Variants in CCDC174 observed in about 807,000 individuals in gnomAD.
The protein encoded by CCDC174 is coiled-coil domain-containing protein 174.
Under a neutral mutation model 57.1 loss-of-function variants are expected in CCDC174, and 37 were observed. That is an observed-to-expected ratio of 0.65 (90% CI 0.50 to 0.85). The LOEUF (loss-of-function observed/expected upper bound fraction) is 0.85. Ranked by LOEUF, CCDC174 falls within the 40% of genes least tolerant of loss-of-function variation. CCDC174 has a pLI of 0.00. For missense variants in CCDC174, 540 were observed against 574.3 expected (o/e 0.94, Z 0.61); for synonymous variants, 182 against 190.2 (o/e 0.96, Z 0.35).
chr3:14,668,604 A>G (rs1457330548), intron 9 of CCDC174, among the ~76,000 whole-genome samples: 2 of 152,232 alleles, frequency 1.3e-5, no homozygotes, highest in Non-Finnish European at 2.9e-5. Flanking sequence ...CAGCTTGCCA[A>G]AGCTTACCAA....
Position 14,661,576 on chromosome 3 carries a change from C to A in CCDC174, c.354C>A (p.Ile118=), listed in dbSNP as rs1296873359. ...ACCTTGTGGATTTCACACAGAAGAT[C>A]ATAGACAAGCGCAAAGAAATGGAGG... ...DMYLVDFTQK[I]IDKRKEMEAS... Residue 118 remains isoleucine, a synonymous_variant, in exon 5 of 11, where the codon ATC becomes ATA. Coordinates refer to ENST00000383794, the MANE Select transcript of CCDC174 (RefSeq NM_016474.5). The A allele has an allele frequency of 6.2e-7, 1 of 1,614,106 alleles. No individual in the cohort carries two copies. Among genetic ancestry groups the A allele is most frequent in the South Asian group, 1.1e-5 (1 of 91,062 alleles).
At chr3:14,653,262 C>G (rs2030837728) in intron 1 of CCDC174, among the ~76,000 whole-genome samples, 1 of 152,144 alleles carries the variant, frequency 6.6e-6, no homozygotes, top group Non-Finnish European at 1.5e-5. Flanking sequence ...TTGAGCATCT[C>G]TTAAAGTTAA....
chr3:14,666,773 T>C, intron 6 of CCDC174, 32 bp from the exon 7 acceptor site: 2 of 1,545,720 alleles, frequency 1.3e-6, no homozygotes, highest in Non-Finnish European at 1.7e-6. Context: ...AATCCTTATC[T>C]GAAGATAGTT....
At chr3:14,667,657 A>G (rs1241950585) in intron 8 of CCDC174, 139 bp downstream of exon 8, 2 of 678,826 alleles carry the variant, frequency 2.9e-6, no homozygotes, top group South Asian at 3.9e-5. Flanking sequence ...TTGCCATACT[A>G]TTTTTGTGTT....
At chr3:14,661,769 G>A (rs1432390237) in intron 5 of CCDC174, 62 bp downstream of exon 5, 1 of 1,462,832 alleles carries the variant, frequency 6.8e-7, no homozygotes, top group Admixed American at 2.2e-5. Flanking sequence ...CATTTTGGGA[G>A]TGATTTTGTT....
chr3:14,654,887 A>T (rs1037624512), intron 2 of CCDC174, among the ~76,000 whole-genome samples: 2 of 152,180 alleles, frequency 1.3e-5, no homozygotes, highest in Non-Finnish European at 2.9e-5. Context: ...AGAGCTGTGA[A>T]TTTTTCCAGT....
In CCDC174 at chr3:14,669,589, C is replaced by T. The variant is rs7621752; in HGVS notation, c.953-345C>T. Among the ~76,000 whole-genome samples the T allele has an allele frequency of 6.7e-3, 1,027 of 152,204 alleles. 15 individuals are homozygous for T. Among genetic ancestry groups the T allele is most frequent in the African/African-American group, 0.023 (964 of 41,510 alleles). Reference sequence around the variant, plus strand: ...TTGGGGATTTCTGGTCCTGCAATTGCCAGTTTGGAGAAGCAGAGTGGCATA... The same window carrying T: ...TTGGGGATTTCTGGTCCTGCAATTGTCAGTTTGGAGAAGCAGAGTGGCATA... On this transcript the variant is annotated intron_variant, in intron 9 of 10. Coordinates refer to ENST00000383794, the MANE Select transcript of CCDC174 (RefSeq NM_016474.5).
At position 14,659,902 on chromosome 3, in the gene CCDC174, A is replaced by G. The variant is rs1054280633; in HGVS notation, c.307+973A>G. On this transcript the variant is annotated intron_variant, in intron 4 of 10. Transcript: ENST00000383794. ...AGATTGGTAAGCAGACCAGCTGAGG[A>G]GGGCAGGGCCAGAGGTCAACAGAGT... 2.6e-4 allele frequency among the ~76,000 whole-genome samples: 39 copies of G among 152,298 alleles called. 1 individual carries two copies. Among genetic ancestry groups the G allele is most frequent in the Non-Finnish European group, 7.4e-5 (5 of 68,012 alleles).
intron 5 of CCDC174, among the ~76,000 whole-genome samples, chr3:14,662,701 G>T (rs535218695): frequency 5.3e-4 from 81 of 152,274 alleles, no homozygotes; most frequent in African/African-American, 1.9e-3. Flanking sequence ...TGTCCTCCTT[G>T]TGGTGGGCAT....
chr3:14,665,728 G>A (rs1282415968), intron 6 of CCDC174, among the ~76,000 whole-genome samples: 1 of 152,140 alleles, frequency 6.6e-6, no homozygotes, highest in Non-Finnish European at 1.5e-5. Context: ...CTTTGGCTTG[G>A]CATAAGAAAG....
chr3:14,667,344 G>T, intron 7 of CCDC174, 80 bp from the exon 8 acceptor site: 3 of 1,037,764 alleles, frequency 2.9e-6, no homozygotes, highest in Admixed American at 3.9e-5. Flanking sequence ...GTTTCTTTTT[G>T]CTTTGGTAGG....
At chr3:14,662,918 G>T (rs12491737) in intron 5 of CCDC174, among the ~76,000 whole-genome samples, 66,238 of 152,062 alleles carry the variant, frequency 0.44, 16,440 homozygotes, top group South Asian at 0.65. Context: ...TTTACCTACT[G>T]TCTTAAAAAC....
intron 7 of CCDC174, 98 bp from the exon 8 acceptor site, chr3:14,667,326 A>G (rs2124847491): frequency 1.1e-6 from 1 of 908,590 alleles, no homozygotes; most frequent in East Asian, 2.4e-5. Context: ...TGTGCCAAAT[A>G]TCACTGTGTT....
At chr3:14,663,629 GTGGCTGACTAC>G (rs1239275284) in intron 5 of CCDC174, among the ~76,000 whole-genome samples, 1 of 152,170 alleles carries the variant, frequency 6.6e-6, no homozygotes, top group Non-Finnish European at 1.5e-5. Flanking sequence ...AGATGGAGCC[GTGGCTGACTAC>G]TGTCTTGCCT....
intron 5 of CCDC174, among the ~76,000 whole-genome samples, chr3:14,664,174 T>C (rs2031242934): frequency 6.6e-6 from 1 of 152,166 alleles, no homozygotes; most frequent in Non-Finnish European, 1.5e-5. Context: ...GAAATCAGCA[T>C]TGCTTGAGAG....
At chr3:14,659,644 A>C (rs1235595936) in intron 4 of CCDC174, among the ~76,000 whole-genome samples, 1 of 152,076 alleles carries the variant, frequency 6.6e-6, no homozygotes, top group Non-Finnish European at 1.5e-5. Flanking sequence ...ATGCCACTGC[A>C]TCCTCGGTGC....
At chr3:14,655,895 GT>G (rs1172093068) in intron 3 of CCDC174, among the ~76,000 whole-genome samples, 2 of 152,090 alleles carry the variant, frequency 1.3e-5, no homozygotes, top group African/African-American at 4.8e-5. Context: ...TTTTTAAGAG[GT>G]TTTCCCATGG....
chr3:14,662,192 C>T (rs890723039), intron 5 of CCDC174, among the ~76,000 whole-genome samples: 2 of 151,678 alleles, frequency 1.3e-5, no homozygotes, highest in African/African-American at 4.9e-5. Context: ...GGTGTGGACT[C>T]GTGGGCCTTG....
At chr3:14,666,016 C>A (rs1390410157) in intron 6 of CCDC174, among the ~76,000 whole-genome samples, 4 of 127,222 alleles carry the variant, frequency 3.1e-5, no homozygotes, top group African/African-American at 3.1e-5. Flanking sequence ...CCAGTCTGGG[C>A]TACAGAGCGA....
Sources: allele counts gnomAD v4.1 joint callset (sites outside exome capture counted in the v4.1 genomes callset), GRCh38; gene constraint gnomAD v4.1.1; transcripts MANE v1.5; gene names NCBI Gene and HGNC (gene_info 2026-07-23, HGNC 2026-07-21).